The following SGK1 variants were observed in gnomAD, a reference collection of about 807,000 sequenced individuals.
SGK1 encodes serine/threonine-protein kinase Sgk1.
SGK1 carries 26 observed loss-of-function variants against 64.2 expected under a neutral mutation model. The observed-to-expected ratio is 0.40, with a 90% confidence interval of 0.30 to 0.56. SGK1 has a LOEUF of 0.56. Ranked by LOEUF, SGK1 falls within the 20% of genes least tolerant of loss-of-function variation. The pLI is 0.38. For missense variants in SGK1, 519 were observed against 645.6 expected, an observed-to-expected ratio of 0.80 and a Z score of 2.12; for synonymous variants, 265 against 239.7, an observed-to-expected ratio of 1.11 and a Z score of -0.98.
chr6:134,264,706 G>A (rs1338098712), intron 1 of SGK1, among the ~76,000 whole-genome samples: 3 of 151,938 alleles, frequency 2.0e-5, no homozygotes, highest in Admixed American at 6.6e-5. Flanking sequence ...GCATTGGCAC[G>A]ATGACAGCTC....
rs567527741 is a variant in SGK1 at position 134,174,179 on chromosome 6, T to A, written c.438-99A>T. 1.7e-5 allele frequency: 14 copies of A among 819,506 alleles called. No homozygotes were observed. In the East Asian group the frequency reaches 3.0e-4, roughly 17 times the overall value. The allele number at this position is 819,506 out of a possible 1,614,324, so 50.8% of individuals were successfully genotyped here. A position where few individuals can be genotyped will look rare whatever the true frequency, so the allele number is the denominator to read the frequency against. ...CTGGCTCTACCGACTTCTACCCGGA[T>A]AATTCACTGTTTAAACTGAAAATAC... On this transcript the variant is annotated intron_variant, in intron 4 of 13. Transcript: ENST00000367858.
At chr6:134,207,561 A>G in intron 2 of SGK1, 130 bp from the exon 3 acceptor site, 1 of 688,002 alleles carries the variant, frequency 1.5e-6, no homozygotes, top group Non-Finnish European at 2.5e-6. Flanking sequence ...TGCTCTAATT[A>G]GGGTGGTTTT....
At chr6:134,269,124 G>A (rs926048989) in intron 1 of SGK1, among the ~76,000 whole-genome samples, 3 of 147,060 alleles carry the variant, frequency 2.0e-5, no homozygotes, top group Non-Finnish European at 4.5e-5. Context: ...GATATCAACC[G>A]ATACAGGAAA....
intron 3 of SGK1, among the ~76,000 whole-genome samples, chr6:134,192,960 C>T (rs151199467): frequency 3.4e-4 from 52 of 152,204 alleles, no homozygotes; most frequent in Non-Finnish European, 6.3e-4. Context: ...AGTTATGGGC[C>T]TATTTTCCTT....
intron 2 of SGK1, among the ~76,000 whole-genome samples, chr6:134,258,928 CAG>C (rs1295974739): frequency 1.3e-5 from 2 of 152,006 alleles, no homozygotes; most frequent in Non-Finnish European, 2.9e-5. Flanking sequence ...GTCGAGGCTG[CAG>C]TGAGCCATGA....
At position 134,238,602 on chromosome 6, in the gene SGK1, C is replaced by T. The variant is rs145916542; in HGVS notation, c.285+23331G>A. 1.5e-4 allele frequency among the ~76,000 whole-genome samples: 22 copies of T among 151,368 alleles called. No homozygotes were observed. In the East Asian group the frequency reaches 3.5e-3, roughly 24 times the overall value. On this transcript the variant is annotated intron_variant, in intron 2 of 13. Transcript: ENST00000367858. ...TCAGTGTTTTTTTTTTTAATTCTCT[C>T]GAAACTTTCATGCATCAAAAGATGG...
chr6:134,308,226 C>G (rs932590109), intron 1 of SGK1, among the ~76,000 whole-genome samples: 2 of 152,138 alleles, frequency 1.3e-5, no homozygotes, highest in African/African-American at 4.8e-5. Flanking sequence ...TCGGAAAGAT[C>G]ATTCTATGGG....
At chr6:134,315,792 C>G (rs1308434794) in intron 1 of SGK1, among the ~76,000 whole-genome samples, 2 of 151,940 alleles carry the variant, frequency 1.3e-5, no homozygotes, top group African/African-American at 4.8e-5. Flanking sequence ...GTAATCCCAG[C>G]AATTTGGGAG....
At chr6:134,198,726 ATTTTTTTTTT>A (rs1178699258) in intron 3 of SGK1, among the ~76,000 whole-genome samples, 1 of 101,780 alleles carries the variant, frequency 9.8e-6, no homozygotes, top group South Asian at 3.2e-4. Flanking sequence ...CTCTTTTTCT[ATTTTTTTTTT>A]TTTTTTTTTT....
chr6:134,219,760 CAAAAA>C (rs55704631), intron 2 of SGK1, among the ~76,000 whole-genome samples: 2 of 122,444 alleles, frequency 1.6e-5, no homozygotes, highest in Non-Finnish European at 3.2e-5. Context: ...AACTCTGTCT[CAAAAA>C]AAAAAAAAAA....
intron 1 of SGK1, among the ~76,000 whole-genome samples, chr6:134,288,509 G>T (rs1355944546): frequency 6.6e-6 from 1 of 152,132 alleles, no homozygotes; most frequent in Admixed American, 6.6e-5. Context: ...TTTCTAATGG[G>T]CAAAGAGATG....
intron 3 of SGK1, among the ~76,000 whole-genome samples, chr6:134,181,808 G>A (rs1273144891): frequency 6.6e-6 from 1 of 152,150 alleles, no homozygotes; most frequent in Non-Finnish European, 1.5e-5. Flanking sequence ...CCAGTTATGG[G>A]GATGTCAGTC....
chr6:134,206,383 A>ATATATATATATTT (rs1562250478), intron 3 of SGK1, among the ~76,000 whole-genome samples: 5 of 16,606 alleles, frequency 3.0e-4, no homozygotes, highest in Non-Finnish European at 5.8e-4. Context: ...ATATATATAT[A>ATATATATATATTT]TTTTTTTTTT....
chr6:134,234,782 A>G (rs1776338105), intron 2 of SGK1, among the ~76,000 whole-genome samples: 1 of 152,248 alleles, frequency 6.6e-6, no homozygotes, highest in Admixed American at 6.5e-5. Context: ...AGGCTGAGGC[A>G]GGAGAATGGC....
chr6:134,268,946 GAAAAAAA>G (rs60194315), intron 1 of SGK1, among the ~76,000 whole-genome samples: 1 of 103,646 alleles, frequency 9.6e-6, no homozygotes, highest in Non-Finnish European at 2.2e-5. Flanking sequence ...TCTTTACTTG[GAAAAAAA>G]AAAAAAAAAA....
At chr6:134,191,870 C>G (rs1043679179) in intron 3 of SGK1, among the ~76,000 whole-genome samples, 1 of 81,352 alleles carries the variant, frequency 1.2e-5, no homozygotes, top group Non-Finnish European at 2.4e-5. Flanking sequence ...GAGTCTCGCT[C>G]TGTCACCAGG....
intron 1 of SGK1, among the ~76,000 whole-genome samples, chr6:134,268,513 T>A (rs111973401): frequency 3.3e-5 from 5 of 151,304 alleles, no homozygotes; most frequent in Admixed American, 6.6e-5. Flanking sequence ...ACGAGGTCAG[T>A]AGATCGAGAC....
chr6:134,241,499 A>T (rs1281134369), intron 2 of SGK1, among the ~76,000 whole-genome samples: 1 of 151,714 alleles, frequency 6.6e-6, no homozygotes, highest in African/African-American at 2.4e-5. Flanking sequence ...TTTTGGTCTG[A>T]TCTATCTGGG....
rs770243407 is a variant in SGK1, at chr6:134,235,544, TA to T, written c.285+26388del. ...AGGAAGTGGAAAAAATAGATATTTTTATTTATTTATTTATTTATTTATTTAT... is the reference window on the plus strand; with the variant it reads ...AGGAAGTGGAAAAAATAGATATTTTTTTTATTTATTTATTTATTTATTTAT... On this transcript the variant is annotated intron_variant, in intron 2 of 13. Transcript: ENST00000367858. 1.1e-4 allele frequency among the ~76,000 whole-genome samples: 10 copies of T among 89,382 alleles called. No homozygotes were observed. In the East Asian group the frequency reaches 1.2e-3, roughly 10 times the overall value. 58.6% of individuals were successfully genotyped at this position (89,382 alleles called of 152,430 possible).
Sources: allele counts gnomAD v4.1 joint callset (sites outside exome capture counted in the v4.1 genomes callset), GRCh38; gene constraint gnomAD v4.1.1; transcripts MANE v1.5; gene names NCBI Gene and HGNC (gene_info 2026-07-23, HGNC 2026-07-21).